ANKRD12: variants seen among roughly 807,000 people sequenced by gnomAD.
The protein encoded by ANKRD12 is ankyrin repeat domain 12, also known as ankyrin repeat domain-containing protein 12.
A neutral mutation model predicts 183.4 loss-of-function variants in ANKRD12; 85 were observed. The observed-to-expected ratio is 0.46, with a 90% CI of 0.39 to 0.56. ANKRD12 has a LOEUF of 0.56. ANKRD12 is among the 20% of genes least tolerant of loss of function. The pLI, the probability that ANKRD12 is intolerant of heterozygous loss-of-function variation, is 0.00. For synonymous variants in ANKRD12, 914 were observed against 800.2 expected (o/e 1.14, Z -2.40); for missense variants, 2,405 against 2,357.1 (o/e 1.02, Z -0.42).
chr18:9,142,305 T>C (rs117942008), intron 1 of ANKRD12, among the ~76,000 whole-genome samples: 397 of 152,350 alleles, frequency 2.6e-3, no homozygotes, highest in Non-Finnish European at 4.6e-3. Flanking sequence ...TGATTCTCTT[T>C]TGAACCTCAC....
chr18:9,243,033 T>A (rs2037751895), intron 8 of ANKRD12, among the ~76,000 whole-genome samples: 1 of 152,310 alleles, frequency 6.6e-6, no homozygotes, highest in East Asian at 1.9e-4. Context: ...TTACCTCATA[T>A]TTTATTTTCC....
chr18:9,189,700 C>T (rs1318251252), intron 2 of ANKRD12, among the ~76,000 whole-genome samples: 2 of 152,190 alleles, frequency 1.3e-5, no homozygotes, highest in Non-Finnish European at 2.9e-5. Flanking sequence ...AATGGAAAAA[C>T]AGTGCCTAAT....
intron 1 of ANKRD12, among the ~76,000 whole-genome samples, chr18:9,144,065 T>A (rs1160387449): frequency 6.6e-6 from 1 of 152,218 alleles, no homozygotes; most frequent in Non-Finnish European, 1.5e-5. Context: ...TTACATTAGC[T>A]AATGCATGAG....
intron 1 of ANKRD12, among the ~76,000 whole-genome samples, chr18:9,174,913 A>G (rs960139837): frequency 3.4e-5 from 5 of 149,094 alleles, no homozygotes; most frequent in African/African-American, 1.2e-4. Flanking sequence ...TAGTGACTAG[A>G]GCAAACAGAC....
intron 1 of ANKRD12, among the ~76,000 whole-genome samples, chr18:9,173,790 G>C (rs531626395): frequency 1.6e-4 from 24 of 152,276 alleles, no homozygotes; most frequent in African/African-American, 5.1e-4. Flanking sequence ...TGAATTGGGG[G>C]TAACCGTTCC....
chr18:9,138,294 C>T (rs1406755172), intron 1 of ANKRD12, among the ~76,000 whole-genome samples: 1 of 152,188 alleles, frequency 6.6e-6, no homozygotes, highest in African/African-American at 2.4e-5. Flanking sequence ...GGGTAGATCA[C>T]CTGAGGTCAG....
intron 4 of ANKRD12, among the ~76,000 whole-genome samples, chr18:9,205,117 C>G (rs758091756): frequency 1.3e-5 from 2 of 152,154 alleles, no homozygotes; most frequent in Non-Finnish European, 2.9e-5. Flanking sequence ...TGCAACCTCT[C>G]TATTAAGCTA....
intron 2 of ANKRD12, among the ~76,000 whole-genome samples, chr18:9,195,315 G>A (rs913549432): frequency 6.6e-6 from 1 of 151,824 alleles, no homozygotes; most frequent in South Asian, 2.1e-4. Context: ...ACCTGCACAG[G>A]TACCCCTGAA....
intron 8 of ANKRD12, among the ~76,000 whole-genome samples, chr18:9,233,405 C>T (rs1000350234): frequency 6.6e-6 from 1 of 151,646 alleles, no homozygotes; most frequent in African/African-American, 2.4e-5. Context: ...GAATTTTTTC[C>T]CCCAGGATTC....
chr18:9,153,800 C>A (rs2029962586), intron 1 of ANKRD12, among the ~76,000 whole-genome samples: 1 of 151,632 alleles, frequency 6.6e-6, no homozygotes, highest in South Asian at 2.1e-4. Flanking sequence ...TTTTTCTAAT[C>A]CCTTCCTGAT....
At chr18:9,150,677 G>A (rs1044466815) in intron 1 of ANKRD12, among the ~76,000 whole-genome samples, 12 of 151,372 alleles carry the variant, frequency 7.9e-5, no homozygotes, top group African/African-American at 1.7e-4. Context: ...TTTTTGAGAC[G>A]GAGTCTCGCC....
chr18:9,140,459 A>T (rs1013608016), intron 1 of ANKRD12, among the ~76,000 whole-genome samples: 10 of 152,152 alleles, frequency 6.6e-5, no homozygotes, highest in African/African-American at 2.4e-4. Flanking sequence ...TTCCCTGGAG[A>T]ATATGAAGTT....
chr18:9,249,340 G>A (rs879900432), intron 8 of ANKRD12, among the ~76,000 whole-genome samples: 1 of 152,094 alleles, frequency 6.6e-6, no homozygotes, highest in Admixed American at 6.6e-5. Flanking sequence ...TATAAATGGT[G>A]CTCTTAATAA....
chr18:9,189,671 A>G (rs1450899155), intron 2 of ANKRD12, among the ~76,000 whole-genome samples: 1 of 152,144 alleles, frequency 6.6e-6, no homozygotes, highest in East Asian at 1.9e-4. Context: ...CGTGAAATTT[A>G]CTCTGCCTGT....
intron 2 of ANKRD12, among the ~76,000 whole-genome samples, chr18:9,189,486 T>C (rs778142659): frequency 2.6e-5 from 4 of 152,312 alleles, no homozygotes; most frequent in Non-Finnish European, 5.9e-5. Flanking sequence ...TAGCCTTCTA[T>C]TGGAAAAAGA....
chr18:9,208,108 GTCATT>G (rs991823052), intron 4 of ANKRD12, among the ~76,000 whole-genome samples: 34 of 152,086 alleles, frequency 2.2e-4, no homozygotes, highest in African/African-American at 8.0e-4. Context: ...TTTGACTAAT[GTCATT>G]TCATGTTCAG....
chr18:9,207,042 A>G (rs1026625161), intron 4 of ANKRD12, among the ~76,000 whole-genome samples: 2 of 152,042 alleles, frequency 1.3e-5, no homozygotes, highest in African/African-American at 4.8e-5. Context: ...TTTAGGAGAG[A>G]AATACATTCA....
chr18:9,155,656 A>C (rs1280278589), intron 1 of ANKRD12, among the ~76,000 whole-genome samples: 2 of 152,172 alleles, frequency 1.3e-5, no homozygotes, highest in East Asian at 3.8e-4. Context: ...TTTAAGTGAG[A>C]AGTCATGTCA....
At chr18:9,173,700 G>A (rs1473442236) in intron 1 of ANKRD12, among the ~76,000 whole-genome samples, 1 of 152,046 alleles carries the variant, frequency 6.6e-6, no homozygotes, top group Non-Finnish European at 1.5e-5. Flanking sequence ...CCGTTAGGAG[G>A]TCTCACCCAA....
Sources: gnomAD v4.1 joint callset for allele counts (sites outside exome capture counted in the v4.1 genomes callset) on GRCh38, gnomAD v4.1.1 for gene constraint, MANE v1.5 for transcripts, NCBI Gene and HGNC (gene_info 2026-07-23, HGNC 2026-07-21) for gene names.